The following FAT1 variants were observed in gnomAD, a reference collection of about 807,000 sequenced individuals.
FAT1 encodes protocadherin Fat 1.
Under a neutral mutation model 329.8 loss-of-function variants are expected in FAT1, and 171 were observed. The ratio of observed to expected loss-of-function variants is 0.52; its 90% CI spans 0.46 to 0.59. The LOEUF (loss-of-function observed/expected upper bound fraction) is 0.59, where lower values mean the gene tolerates loss of function less well. Ranked by LOEUF, FAT1 falls within the 20% of genes least tolerant of loss-of-function variation. FAT1 has a pLI of 0.00. For synonymous variants in FAT1, 2,233 were observed against 2,228.6 expected (o/e 1.00, Z -0.06); for missense variants, 5,672 against 5,774.4 (o/e 0.98, Z 0.57).
At chr4:186,718,981 T>G (rs1745341821) in intron 1 of FAT1, among the ~76,000 whole-genome samples, 1 of 152,180 alleles carries the variant, frequency 6.6e-6, no homozygotes, top group African/African-American at 2.4e-5. Context: ...ACACTCCTGA[T>G]CCTTCATTCG....
In FAT1 at chr4:186,602,934, G is replaced by A. The variant is rs1738885317; in HGVS notation, c.11451C>T (p.Val3817=). The part of the protein sequence containing the change: ...SDPWEEKHTC[V]CPSGRFGQCP... ...ACTGACCAAACCTGCCGCTGGGACA[G>A]ACACAGGTGTGTTTCTCCTCCCAGG... The change falls in exon 20 of 27, where the codon GTC becomes GTT. Residue 3817 remains valine (V), a synonymous_variant. Transcript: ENST00000441802. The A allele has an allele frequency of 6.2e-7, 1 of 1,613,968 alleles. No individual in the cohort carries two copies. Among genetic ancestry groups the A allele is most frequent in the Non-Finnish European group, 8.5e-7 (1 of 1,179,842 alleles).
intron 3 of FAT1, among the ~76,000 whole-genome samples, chr4:186,649,382 G>T (rs1245509340): frequency 6.6e-6 from 1 of 152,176 alleles, no homozygotes; most frequent in Admixed American, 6.5e-5. Flanking sequence ...TTGAATGGTG[G>T]CTCCTGCCCA....
At chr4:186,611,863 G>A (rs973018071) in intron 13 of FAT1, 88 bp from the exon 14 acceptor site, 64 of 1,044,750 alleles carry the variant, frequency 6.1e-5, no homozygotes, top group Admixed American at 1.3e-4. Flanking sequence ...TCCCTCTGTC[G>A]CCCAGGCTGG....
rs2126693738 is a variant in FAT1 at position 186,708,083 on chromosome 4, A to G, written c.1745T>C (p.Leu582Pro). Reference protein sequence around the residue: ...INCEGTIPRDLGVGEQITTVS... With the variant: ...INCEGTIPRDPGVGEQITTVS... ...AGTGGTTATTTGCTCTCCCACGCCT[A>G]GATCTCTGGGAATTGTCCCTTCACA... The change falls in exon 2 of 27, where the codon CTA becomes CCA. Residue 582 changes from leucine (L) to proline (P), a missense_variant. Physicochemically the swap from Leu to Pro is moderately conservative, Grantham distance 98. Coordinates refer to ENST00000441802, the MANE Select transcript of FAT1 (RefSeq NM_005245.4). 2 of 1,614,020 alleles carry G rather than the reference A, an allele frequency of 1.2e-6. No homozygotes were observed. The highest frequency in any genetic ancestry group is 1.7e-6 in the Non-Finnish European group (2 of 1,179,890).
rs1343424519 is a variant in FAT1, at chr4:186,608,483, G to C, written c.10206+700C>G. Among the ~76,000 whole-genome samples, 3 of 152,090 alleles carry C rather than the reference G, an allele frequency of 2.0e-5. No individual in the cohort carries two copies. In the East Asian group the frequency reaches 5.8e-4, roughly 29 times the overall value. On this transcript the variant is annotated intron_variant, in intron 16 of 26. Transcript: ENST00000441802. ...CTGGTCTTCAACTCCTGGGCTCAGT[G>C]AATTCTCCCACCTATGCCTCCCATG...
chr4:186,594,699 T>TATAC (rs1553985383), intron 26 of FAT1, among the ~76,000 whole-genome samples: 2 of 137,664 alleles, frequency 1.5e-5, no homozygotes, highest in Non-Finnish European at 3.1e-5. Flanking sequence ...TATATATATA[T>TATAC]ACTTGAAATC....
Position 186,628,372 on chromosome 4 carries a change from G to C in FAT1, c.4600-8C>G, listed in dbSNP as rs758699030. ...CACATCTTGATCTCGTACCTAAAAA[G>C]AATTGACACATTATCAATCCCATTG... On this transcript the variant is annotated splice_polypyrimidine_tract_variant and splice_region_variant and intron_variant, in intron 8 of 26. Transcript: ENST00000441802. 6.2e-7 allele frequency: 1 copy of C among 1,611,584 alleles called. No individual in the cohort carries two copies. Among genetic ancestry groups the C allele is most frequent in the Non-Finnish European group, 8.5e-7 (1 of 1,178,478 alleles).
intron 2 of FAT1, among the ~76,000 whole-genome samples, chr4:186,682,232 A>T (rs1442184669): frequency 6.6e-6 from 1 of 152,206 alleles, no homozygotes; most frequent in Non-Finnish European, 1.5e-5. Context: ...AATTGCTAAA[A>T]GTTGTAAATG....
chr4:186,605,258 A>G (rs2126443326), intron 17 of FAT1, among the ~76,000 whole-genome samples: 1 of 136,940 alleles, frequency 7.3e-6, no homozygotes. Flanking sequence ...AAGGAAGAGG[A>G]GGAGTGGGGA....
chr4:186,683,582 C>A, intron 2 of FAT1, among the ~76,000 whole-genome samples: 1 of 152,176 alleles, frequency 6.6e-6, no homozygotes, highest in East Asian at 1.9e-4. Context: ...CTCGTGATTT[C>A]TCCAAAGCCT....
chr4:186,651,815 G>A (rs1387293426), intron 3 of FAT1, among the ~76,000 whole-genome samples: 1 of 152,184 alleles, frequency 6.6e-6, no homozygotes. Context: ...CCGCAGCACC[G>A]CACCGTCTTT....
chr4:186,675,782 AACACACACACACACAC>A (rs66981811), intron 2 of FAT1, among the ~76,000 whole-genome samples: 26 of 143,200 alleles, frequency 1.8e-4, no homozygotes, highest in African/African-American at 5.1e-4. Context: ...CCCTGTCTAA[AACACACACACACACAC>A]ACACACACAC....
intron 2 of FAT1, among the ~76,000 whole-genome samples, chr4:186,687,465 C>T (rs919129759): frequency 6.6e-6 from 1 of 152,102 alleles, no homozygotes; most frequent in African/African-American, 2.4e-5. Context: ...CTGTTATTTA[C>T]GCTAAGGCAA....
chr4:186,608,452 C>A (rs1343712889), intron 16 of FAT1, among the ~76,000 whole-genome samples: 1 of 152,038 alleles, frequency 6.6e-6, no homozygotes, highest in African/African-American at 2.4e-5. Flanking sequence ...CACTATGTTG[C>A]CCAGGCTGGT....
chr4:186,589,304 C>T (rs913395458), intron 26 of FAT1, 84 bp from the exon 27 acceptor site: 4 of 1,417,394 alleles, frequency 2.8e-6, no homozygotes, highest in Non-Finnish European at 3.8e-6. Context: ...ATCAAAGACA[C>T]AAAGATGCAA....
chr4:186,680,965 C>G (rs1362914554), intron 2 of FAT1, among the ~76,000 whole-genome samples: 1 of 152,178 alleles, frequency 6.6e-6, no homozygotes, highest in Non-Finnish European at 1.5e-5. Context: ...ATCTGCCAAC[C>G]AAACCCTAAG....
At position 186,617,076 on chromosome 4, in the gene FAT1, T is replaced by A; in HGVS notation, c.9004A>T (p.Thr3002Ser). The A allele has an allele frequency of 6.8e-6, 11 of 1,614,018 alleles. No individual in the cohort carries two copies. The highest frequency in any genetic ancestry group is 9.3e-6 in the Non-Finnish European group (11 of 1,179,890). ...TCAACTATCGCTTTTGATGAGAAGGTGCCATCAGTTGCCGTGATAGTAAGA... is the reference window on the plus strand; with the variant it reads ...TCAACTATCGCTTTTGATGAGAAGGAGCCATCAGTTGCCGTGATAGTAAGA... The part of the protein sequence containing the change: ...YLLTITATDG[T>S]FSSKAIVEVK... Residue 3002 changes from threonine (T) to serine (S), a missense_variant, in exon 11 of 27, where the codon ACC (threonine) becomes TCC (serine). Around this residue, in one of 2 missense-constraint regions of FAT1, gnomAD observed 3,966 missense variants for 3,915.2 expected, o/e 1.01. Coordinates refer to ENST00000441802, the MANE Select transcript of FAT1 (RefSeq NM_005245.4).
At chr4:186,672,139 CAGA>C (rs1195731577) in intron 2 of FAT1, among the ~76,000 whole-genome samples, 1 of 151,894 alleles carries the variant, frequency 6.6e-6, no homozygotes, top group Admixed American at 6.6e-5. Context: ...GTTTATTTTG[CAGA>C]AGAAGGAAAA....
intron 2 of FAT1, among the ~76,000 whole-genome samples, chr4:186,677,185 T>G (rs1411392134): frequency 6.6e-6 from 1 of 152,308 alleles, no homozygotes; most frequent in Non-Finnish European, 1.5e-5. Flanking sequence ...ACGAACTACT[T>G]ACAAGCAGTG....
Sources: allele counts gnomAD v4.1 joint callset (sites outside exome capture counted in the v4.1 genomes callset), GRCh38; gene constraint gnomAD v4.1.1; regional missense constraint gnomAD v4.1.1; transcripts MANE v1.5; gene names NCBI Gene and HGNC (gene_info 2026-07-23, HGNC 2026-07-21).